The following TTC19 variants were observed in gnomAD, a reference collection of about 807,000 sequenced individuals.
TTC19 encodes tetratricopeptide repeat domain 19, also known as tetratricopeptide repeat protein 19, mitochondrial.
TTC19 carries 38 observed loss-of-function variants against 49.5 expected under a neutral mutation model. The observed-to-expected ratio is 0.77, with a 90% CI of 0.59 to 1.01. The LOEUF (loss-of-function observed/expected upper bound fraction) is 1.01, where lower values mean the gene tolerates loss of function less well. Among genes scored for constraint, TTC19 ranks in the 50% least tolerant of loss-of-function variants. The pLI is 0.00. For synonymous variants in TTC19, 204 were observed against 185.2 expected (o/e 1.10, Z -0.83); for missense variants, 475 against 477.7 (o/e 0.99, Z 0.05).
Position 16,010,336 on chromosome 17 carries a change from G to A in TTC19, c.676+3768G>A, listed in dbSNP as rs1173298490. ...CTACAGGCACGTGCCACCATGCCCAGCTAATTTTTGTGTTTTTAGTAGAGA... is the reference window on the plus strand; with the variant it reads ...CTACAGGCACGTGCCACCATGCCCAACTAATTTTTGTGTTTTTAGTAGAGA... On this transcript the variant is annotated intron_variant, in intron 7 of 9. Transcript: ENST00000261647. Among the ~76,000 whole-genome samples the A allele has an allele frequency of 2.7e-5, 4 of 150,298 alleles. No homozygotes were observed. The East Asian group carries it at 5.9e-4, about 22-fold the overall frequency.
chr17:16,019,387 A>T (rs1971304797), intron 7 of TTC19, among the ~76,000 whole-genome samples: 1 of 152,218 alleles, frequency 6.6e-6, no homozygotes, highest in African/African-American at 2.4e-5. Flanking sequence ...ACTTAATATG[A>T]ATGGTATCAT....
At chr17:16,040,547 A>C in intron 2 of TTC19, 1 of 1,471,902 alleles carries the variant, frequency 6.8e-7, no homozygotes, top group Non-Finnish European at 9.4e-7. Flanking sequence ...CATATATACC[A>C]AACTAAAGTC....
intron 2 of TTC19, among the ~76,000 whole-genome samples, chr17:16,043,215 A>C (rs919375479): frequency 3.9e-5 from 6 of 152,240 alleles, no homozygotes; most frequent in African/African-American, 1.4e-4. Flanking sequence ...TTTCAAAAAA[A>C]TAAAGTCACT....
rs749009633 is a variant in TTC19, at chr17:16,003,896, A to G, written c.519+9A>G. ...GAGGGGGCATGAAGCAGGTAAGGAC[A>G]TTGCCTAGTATTGGCCCCTCACTGA... On this transcript the variant is annotated intron_variant, in intron 5 of 9. Transcript: ENST00000261647. The G allele has an allele frequency of 1.2e-6, 2 of 1,613,212 alleles. No individual in the cohort carries two copies. Among genetic ancestry groups the G allele is most frequent in the South Asian group, 1.1e-5 (1 of 90,892 alleles).
chr17:16,004,227 C>T lies in TTC19; in HGVS notation c.546C>T (p.Ser182=). 5 of 1,614,136 alleles carry T rather than the reference C, an allele frequency of 3.1e-6. No individual in the cohort carries two copies. The highest frequency in any genetic ancestry group is 4.2e-6 in the Non-Finnish European group (5 of 1,180,018). ...AGGACAATGCAATAATTGAAATTTC[C>T]CTAAAGCTGGCCAGTATCTATGCTG... ...KQEDNAIIEI[S]LKLASIYAAQ... is the part of the protein sequence containing the mutation. Residue 182 remains serine, a synonymous_variant, in exon 6 of 10, where the codon TCC becomes TCT. Transcript: ENST00000261647.
At chr17:16,005,084 C>G (rs1022790998) in intron 6 of TTC19, among the ~76,000 whole-genome samples, 1 of 152,178 alleles carries the variant, frequency 6.6e-6, no homozygotes, top group Non-Finnish European at 1.5e-5. Flanking sequence ...AAGCCCAGAG[C>G]CTAATAAACA....
chr17:16,043,725 A>G (rs2058149426), intron 2 of TTC19, among the ~76,000 whole-genome samples: 1 of 152,228 alleles, frequency 6.6e-6, no homozygotes, highest in South Asian at 2.1e-4. Context: ...CTGCTCTGAG[A>G]TCTCTAGCTC....
intron 7 of TTC19, among the ~76,000 whole-genome samples, chr17:16,021,323 G>C (rs1333009183): frequency 6.6e-6 from 1 of 152,224 alleles, no homozygotes; most frequent in Non-Finnish European, 1.5e-5. Context: ...AGGAGGCGGA[G>C]GTTGCAGTGA....
At chr17:16,020,238 G>A (rs893200418) in intron 7 of TTC19, among the ~76,000 whole-genome samples, 1 of 152,122 alleles carries the variant, frequency 6.6e-6, no homozygotes, top group African/African-American at 2.4e-5. Context: ...TAATCTGCTG[G>A]GTTTGAAAAG....
At chr17:16,004,906 G>T (rs184722193) in intron 6 of TTC19, among the ~76,000 whole-genome samples, 5 of 152,316 alleles carry the variant, frequency 3.3e-5, no homozygotes, top group Admixed American at 3.3e-4. Context: ...CTTGCATTTT[G>T]ATTGGACACT....
chr17:16,038,530 G>A (rs1442397167), intron 2 of TTC19, among the ~76,000 whole-genome samples: 2 of 151,586 alleles, frequency 1.3e-5, no homozygotes, highest in Non-Finnish European at 2.9e-5. Context: ...TCTGCCTCCT[G>A]GGCTCAAGTG....
chr17:16,025,630 G>C (rs145469756), intron 8 of TTC19, among the ~76,000 whole-genome samples: 1 of 152,196 alleles, frequency 6.6e-6, no homozygotes, highest in African/African-American at 2.4e-5. Flanking sequence ...GCATATTATA[G>C]AATTTAAGTA....
chr17:16,039,212 G>A, intron 2 of TTC19: 1 of 548,216 alleles, frequency 1.8e-6, no homozygotes, highest in Non-Finnish European at 3.3e-6. Flanking sequence ...ATCCCAGGAG[G>A]GTGACACTTT....
chr17:16,029,974 C>T (rs1344222825), downstream of TTC19: 3 of 163,144 alleles, frequency 1.8e-5, no homozygotes, highest in Non-Finnish European at 4.0e-5. Flanking sequence ...TCAAATAATG[C>T]AGGAGTTAGG....
In TTC19 at chr17:16,025,837, AAT is replaced by A. The variant is rs1016383167; in HGVS notation, c.831+669_831+670del. On this transcript the variant is annotated intron_variant, in intron 8 of 9. Transcript: ENST00000261647. Reference sequence around the variant, plus strand: ...GCTGGGGTACATGGGTAGGGTGAGTAATATGTTTTGGAAGAAAAGGGAGGTTG... The same window carrying A: ...GCTGGGGTACATGGGTAGGGTGAGTAATGTTTTGGAAGAAAAGGGAGGTTG... 3.3e-4 allele frequency among the ~76,000 whole-genome samples: 51 copies of A among 152,314 alleles called. 1 individual carries two copies. The highest frequency in any genetic ancestry group is 1.1e-3 in the African/African-American group (44 of 41,562).
chr17:16,010,199 A>G (rs1196746688), intron 7 of TTC19, among the ~76,000 whole-genome samples: 1 of 120,714 alleles, frequency 8.3e-6, no homozygotes, highest in Non-Finnish European at 1.6e-5. Flanking sequence ...TTTGAGACAG[A>G]GTCTCACTCT....
At position 16,002,105 on chromosome 17, in the gene TTC19, T is replaced by G; in HGVS notation, c.423+80T>G. The G allele has an allele frequency of 3.2e-6, 3 of 940,376 alleles. No individual in the cohort carries two copies. In the East Asian group the frequency reaches 7.2e-5, roughly 23 times the overall value. 58.3% of individuals were successfully genotyped at this position (940,376 alleles called of 1,614,324 possible). ...GGGTAGTTAGTTCTTCTGATTTATA[T>G]TCCTGACTTTCACGATGTTCTAAAA... On this transcript the variant is annotated intron_variant, in intron 3 of 9. Transcript: ENST00000261647.
At chr17:16,024,118 C>T (rs1331111730) in intron 7 of TTC19, 2 of 152,032 alleles carry the variant, frequency 1.3e-5, no homozygotes, top group Admixed American at 6.6e-5. Context: ...TATAGGTTAC[C>T]GTTCTCTAGA....
intron 3 of TTC19, among the ~76,000 whole-genome samples, chr17:16,002,330 A>AGG (rs1444915984): frequency 6.6e-6 from 1 of 152,050 alleles, no homozygotes; most frequent in Non-Finnish European, 1.5e-5. Context: ...GGCATGCATC[A>AGG]CTATGCCTGG....
Sources: allele counts gnomAD v4.1 joint callset (sites outside exome capture counted in the v4.1 genomes callset), GRCh38; gene constraint gnomAD v4.1.1; transcripts MANE v1.5; gene names NCBI Gene and HGNC (gene_info 2026-07-23, HGNC 2026-07-21).